PCDHA2: variants seen among roughly 807,000 people sequenced by gnomAD.
PCDHA2 encodes protocadherin alpha 2.
PCDHA2 carries 58 observed loss-of-function variants against 66.0 expected under a neutral mutation model. The observed-to-expected ratio is 0.88, with a 90% CI of 0.71 to 1.09. The LOEUF (loss-of-function observed/expected upper bound fraction) is 1.09. PCDHA2 is among the 50% of genes least tolerant of loss of function. PCDHA2 has a pLI of 0.00. For synonymous variants in PCDHA2, 634 were observed against 554.0 expected (o/e 1.14, Z -2.03); for missense variants, 1,267 against 1,242.3 (o/e 1.02, Z -0.30).
chr5:140,835,696 C>T (rs2150242204), intron 1 of PCDHA2: 2 of 1,613,914 alleles, frequency 1.2e-6, no homozygotes, highest in South Asian at 2.2e-5. Context: ...CTGTGGGCCA[C>T]TGCTAGCGTG....
chr5:140,848,206 A>G lies in PCDHA2; in HGVS notation c.2388+50854A>G, dbSNP rs1354979846. The G allele has an allele frequency of 2.7e-5, 9 of 338,544 alleles. No homozygotes were observed. In the East Asian group the frequency reaches 4.5e-4, roughly 17 times the overall value. 21.0% of individuals were successfully genotyped at this position (338,544 alleles called of 1,614,324 possible). A position where few individuals can be genotyped will look rare whatever the true frequency, so the allele number is the denominator to read the frequency against. On this transcript the variant is annotated intron_variant, in intron 1 of 3. Transcript: ENST00000526136. ...GGGATCTTCTGTTTCAACAATCATTACTTAAGAAAAAATTAAGAAAATGAA... is the reference window on the plus strand; with the variant it reads ...GGGATCTTCTGTTTCAACAATCATTGCTTAAGAAAAAATTAAGAAAATGAA...
intron 1 of PCDHA2, chr5:140,835,872 C>T: frequency 6.2e-7 from 1 of 1,612,050 alleles, no homozygotes; most frequent in Non-Finnish European, 8.5e-7. Flanking sequence ...GCTGGTGGAG[C>T]TGCGGGTGGG....
rs569196796 is a variant in PCDHA2 at position 140,795,240 on chromosome 5, G to C, written c.276G>C (p.Arg92=). ...TGTTTGTGAATTCTCGGATCGACCG[G>C]GAGGAGCTGTGCGGGCGGAGCGCGG... ...GILFVNSRID[R]EELCGRSAEC... is the part of the protein sequence containing the mutation. Residue 92 remains arginine, a synonymous_variant, in exon 1 of 4, where the codon CGG becomes CGC. Transcript: ENST00000526136. 4.2e-5 allele frequency: 68 copies of C among 1,614,282 alleles called. No homozygotes were observed. In the African/African-American group the frequency reaches 6.1e-4, roughly 15 times the overall value.
At chr5:140,804,553 T>C (rs1177952713) in intron 1 of PCDHA2, 2 of 152,240 alleles carry the variant, frequency 1.3e-5, no homozygotes, top group African/African-American at 4.8e-5. Flanking sequence ...GTCTTTTGCA[T>C]ACCATACTAA....
chr5:140,834,218 G>C, intron 1 of PCDHA2: 1 of 668,584 alleles, frequency 1.5e-6, no homozygotes, highest in Non-Finnish European at 2.5e-6. Flanking sequence ...TTCGTAATCA[G>C]CAAAAGGAAG....
chr5:140,803,783 T>A, intron 1 of PCDHA2: 1 of 893,120 alleles, frequency 1.1e-6, no homozygotes, highest in Non-Finnish European at 1.7e-6. Flanking sequence ...CAGCAGTAAG[T>A]TATGATATCC....
chr5:140,906,999 G>C (rs187849442), intron 1 of PCDHA2, among the ~76,000 whole-genome samples: 1 of 152,088 alleles, frequency 6.6e-6, no homozygotes, highest in Non-Finnish European at 1.5e-5. Flanking sequence ...TCCTCCCTCT[G>C]GAACTAAGAC....
rs1554202543 is a variant in PCDHA2 at position 140,925,106 on chromosome 5, G to GA, written c.2389-53842dup. The stretch of plus-strand genomic sequence containing the variant: ...GAAAGGAAGGAAGGAAGGAAGGAAG[G>GA]AGGGAAGGAAGGAAGGAAAAAAAAT... On this transcript the variant is annotated intron_variant, in intron 1 of 3. Coordinates refer to ENST00000526136, the MANE Select transcript of PCDHA2 (RefSeq NM_018905.3). Among the ~76,000 whole-genome samples the GA allele has an allele frequency of 6.6e-3, 1,003 of 151,180 alleles. 6 individuals are homozygous for GA. Among genetic ancestry groups the GA allele is most frequent in the African/African-American group, 0.017 (687 of 41,108 alleles).
chr5:140,838,594 A>G (rs1775794332), intron 1 of PCDHA2, among the ~76,000 whole-genome samples: 1 of 152,002 alleles, frequency 6.6e-6, no homozygotes, highest in Non-Finnish European at 1.5e-5. Flanking sequence ...CAATAACCGA[A>G]TTGTCTAGAC....
intron 1 of PCDHA2, among the ~76,000 whole-genome samples, chr5:140,925,792 T>C (rs918762181): frequency 6.6e-6 from 1 of 152,170 alleles, no homozygotes. Flanking sequence ...AGTATCTCAG[T>C]ACTTTCCCCT....
chr5:140,822,328 G>A, intron 1 of PCDHA2: 4 of 1,614,170 alleles, frequency 2.5e-6, no homozygotes, highest in Non-Finnish European at 3.4e-6. Context: ...TAAAACAAAT[G>A]AAGAAGAAAC....
intron 1 of PCDHA2, chr5:140,856,371 T>G: frequency 6.3e-7 from 1 of 1,598,432 alleles, no homozygotes; most frequent in South Asian, 1.1e-5. Flanking sequence ...CTGGAGGTGA[T>G]CGTGGACAGG....
chr5:140,960,789 T>C (rs1221128371), intron 1 of PCDHA2, among the ~76,000 whole-genome samples: 3 of 152,058 alleles, frequency 2.0e-5, no homozygotes. Context: ...CCAAACAAGG[T>C]TTCTATTAAA....
chr5:140,835,417 A>T (rs1554134958), intron 1 of PCDHA2: 19 of 1,613,960 alleles, frequency 1.2e-5, no homozygotes, highest in Non-Finnish European at 1.5e-5. Flanking sequence ...GATGTAAATG[A>T]CAATGCTCCA....
rs2150127070 is a variant in PCDHA2 at position 140,823,576 on chromosome 5, G to C, written c.2388+26224G>C. The C allele has an allele frequency of 3.7e-6, 6 of 1,613,976 alleles. No homozygotes were observed. In the East Asian group the frequency reaches 1.3e-4, roughly 36 times the overall value. ...GGTGCGCGCAGTGGACCCTGATTCG[G>C]GCTACAACGCTTGGCTTTCGTATGA... On this transcript the variant is annotated intron_variant, in intron 1 of 3. Coordinates refer to ENST00000526136, the MANE Select transcript of PCDHA2 (RefSeq NM_018905.3).
intron 1 of PCDHA2, among the ~76,000 whole-genome samples, chr5:140,918,303 G>C (rs2078625601): frequency 6.6e-6 from 1 of 152,112 alleles, no homozygotes; most frequent in Non-Finnish European, 1.5e-5. Flanking sequence ...AGAATATAGG[G>C]TTTTCTAGGT....
At chr5:140,873,414 G>T (rs184525297) in intron 1 of PCDHA2, among the ~76,000 whole-genome samples, 57 of 152,118 alleles carry the variant, frequency 3.7e-4, no homozygotes, top group African/African-American at 1.2e-3. Flanking sequence ...TTAAAATTTT[G>T]TAAATTATTA....
rs2150458258 is a variant in PCDHA2 at position 140,849,933 on chromosome 5, C to T, written c.2388+52581C>T. On this transcript the variant is annotated intron_variant, in intron 1 of 3. Transcript: ENST00000526136. Reference sequence around the variant, plus strand: ...CTGCCACATCTTCACGGTGTCTGCGCGGGACGCTGACGCGCAGGAGAACGC... The same window carrying T: ...CTGCCACATCTTCACGGTGTCTGCGTGGGACGCTGACGCGCAGGAGAACGC... The T allele has an allele frequency of 9.3e-5, 149 of 1,598,118 alleles. 10 individuals are homozygous for T. The highest frequency in any genetic ancestry group is 7.4e-4 in the South Asian group (67 of 90,542).
At chr5:140,892,595 A>G (rs1424989273) in intron 1 of PCDHA2, among the ~76,000 whole-genome samples, 1 of 151,958 alleles carries the variant, frequency 6.6e-6, no homozygotes, top group African/African-American at 2.4e-5. Flanking sequence ...TCATTCACCT[A>G]TTTTTTTCCT....
Sources: allele counts gnomAD v4.1 joint callset (sites outside exome capture counted in the v4.1 genomes callset), GRCh38; gene constraint gnomAD v4.1.1; transcripts MANE v1.5; gene names NCBI Gene and HGNC (gene_info 2026-07-23, HGNC 2026-07-21).